The following PXK variants were observed in gnomAD, a reference collection of about 807,000 sequenced individuals.
PXK encodes PX domain-containing protein kinase-like protein.
PXK carries 35 observed loss-of-function variants against 84.7 expected under a neutral mutation model. The observed-to-expected ratio is 0.41, with a 90% CI of 0.32 to 0.55. The LOEUF is 0.55. Among genes scored for constraint, PXK ranks in the 20% least tolerant of loss-of-function variants. The pLI is 0.21. For missense variants in PXK, 634 were observed against 699.7 expected, an observed-to-expected ratio of 0.91 and a Z score of 1.06; for synonymous variants, 253 against 260.8, an observed-to-expected ratio of 0.97 and a Z score of 0.29.
At position 58,360,886 on chromosome 3, in the gene PXK, A is replaced by G. The variant is rs190342218; in HGVS notation, c.103-4988A>G. 2.9e-4 allele frequency among the ~76,000 whole-genome samples: 44 copies of G among 152,216 alleles called. 1 individual carries two copies. In the East Asian group the frequency reaches 6.9e-3, roughly 24 times the overall value. On this transcript the variant is annotated intron_variant, in intron 1 of 17. Transcript: ENST00000356151. ...TCTGAACATTTGAGGAAACAATAAC[A>G]TTCTTTATGATTTAATTTATACTTT...
intron 7 of PXK, 69 bp from the exon 8 acceptor site, chr3:58,394,929 C>T: frequency 8.4e-7 from 1 of 1,186,380 alleles, no homozygotes; most frequent in Non-Finnish European, 1.3e-6. Flanking sequence ...TCTGCATAAC[C>T]AGATCCTGTA....
chr3:58,347,687 TG>T (rs2097848499), intron 1 of PXK, among the ~76,000 whole-genome samples: 1 of 152,248 alleles, frequency 6.6e-6, no homozygotes, highest in African/African-American at 2.4e-5. Context: ...CATGAATATT[TG>T]GGTAAAGTCT....
rs1204758876 is a variant in PXK, at chr3:58,333,619, T to G, written c.102+529T>G. The G allele has an allele frequency of 2.2e-6, 1 of 456,656 alleles. No homozygotes were observed. Among genetic ancestry groups the G allele is most frequent in the South Asian group, 1.5e-5 (1 of 64,568 alleles). 28.3% of individuals were successfully genotyped at this position (456,656 alleles called of 1,614,324 possible). ...AAGTGGCTGGGGTCTGCAGCCCCGT[T>G]TCCAGGTCAGCCGCTTGGCCCTGGT... On this transcript the variant is annotated intron_variant, in intron 1 of 17. Coordinates refer to ENST00000356151, the MANE Select transcript of PXK (RefSeq NM_017771.5). This position sits in a 1 kb window ranked among gnomAD's most constrained non-coding sequence, Gnocchi z 5.4.
chr3:58,346,220 C>T (rs949137217), intron 1 of PXK, among the ~76,000 whole-genome samples: 1 of 152,006 alleles, frequency 6.6e-6, no homozygotes, highest in African/African-American at 2.4e-5. Context: ...ATCTGAACAA[C>T]AGTGAGGGGG....
intron 1 of PXK, among the ~76,000 whole-genome samples, chr3:58,346,220 C>G (rs949137217): frequency 1.3e-5 from 2 of 152,006 alleles, no homozygotes; most frequent in Non-Finnish European, 2.9e-5. Flanking sequence ...ATCTGAACAA[C>G]AGTGAGGGGG....
At position 58,414,846 on chromosome 3, in the gene PXK, G is replaced by T. The variant is rs528804879; in HGVS notation, c.1528+1883G>T. Among the ~76,000 whole-genome samples the T allele has an allele frequency of 5.9e-5, 9 of 152,260 alleles. No homozygotes were observed. Among genetic ancestry groups the T allele is most frequent in the Non-Finnish European group, 4.4e-5 (3 of 68,016 alleles). On this transcript the variant is annotated intron_variant, in intron 17 of 17. Coordinates refer to ENST00000356151, the MANE Select transcript of PXK (RefSeq NM_017771.5). The surrounding 1 kb of genome is among the most constrained non-coding windows in gnomAD (Gnocchi z 4.5). ...AAATGGTAACTAATATTTAGCATTT[G>T]CCTGGCAACCTAGCATTTCAGGCCC... is the stretch of plus-strand genomic sequence containing the variant.
Position 58,391,801 on chromosome 3 carries a change from C to T in PXK, c.569C>T (p.Ser190Leu). Reference sequence around the variant, plus strand: ...GACCTTGGCCCAGACAAGTATTTGTCAGATAAAGATTTTCAGTGTCTAATC... The same window carrying T: ...GACCTTGGCCCAGACAAGTATTTGTTAGATAAAGATTTTCAGTGTCTAATC... ...WADLGPDKYLSDKDFQCLIKL... is the reference protein window; with the variant it reads ...WADLGPDKYLLDKDFQCLIKL... Residue 190 changes from serine to leucine, a missense_variant, in exon 7 of 18, where the codon TCA becomes TTA. This residue lies in a region of PXK where 353 missense variants were observed against 385.2 expected (regional missense o/e 0.92). Transcript: ENST00000356151. 6.2e-7 allele frequency: 1 copy of T among 1,613,522 alleles called. No individual in the cohort carries two copies. The highest frequency in any genetic ancestry group is 8.5e-7 in the Non-Finnish European group (1 of 1,179,496).
At chr3:58,351,647 A>G (rs2097927836) in intron 1 of PXK, among the ~76,000 whole-genome samples, 1 of 152,172 alleles carries the variant, frequency 6.6e-6, no homozygotes, top group Non-Finnish European at 1.5e-5. Context: ...TCCTGATTGT[A>G]AAAATAATTT....
intron 1 of PXK, among the ~76,000 whole-genome samples, chr3:58,348,690 T>G (rs746585266): frequency 5.3e-5 from 8 of 151,898 alleles, no homozygotes; most frequent in Non-Finnish European, 1.0e-4. Context: ...GAGGGAGGAT[T>G]GCTTGAGGCC....
intron 5 of PXK, 93 bp from the exon 6 acceptor site, chr3:58,391,054 C>A: frequency 1.1e-6 from 1 of 927,028 alleles, no homozygotes; most frequent in Non-Finnish European, 1.7e-6. Context: ...ATAATATTGC[C>A]AAACTTAATT....
intron 3 of PXK, among the ~76,000 whole-genome samples, chr3:58,374,430 TC>T (rs2098420465): frequency 6.6e-6 from 1 of 152,118 alleles, no homozygotes; most frequent in African/African-American, 2.4e-5. Context: ...CACCTCAGCC[TC>T]CCAAAATGCT....
chr3:58,338,029 TAA>T (rs1161731527), intron 1 of PXK, among the ~76,000 whole-genome samples: 1 of 152,198 alleles, frequency 6.6e-6, no homozygotes, highest in Non-Finnish European at 1.5e-5. Context: ...TTTAGAATTC[TAA>T]GTTATACTGA....
intron 1 of PXK, among the ~76,000 whole-genome samples, chr3:58,362,343 T>C (rs2098201156): frequency 6.6e-6 from 1 of 152,240 alleles, no homozygotes; most frequent in African/African-American, 2.4e-5. Flanking sequence ...ATTTTACATT[T>C]AAGTACATAA....
In PXK at chr3:58,409,415, C is replaced by T. The variant is rs780788736; in HGVS notation, c.1309-117C>T. 2.1e-5 allele frequency: 20 copies of T among 955,896 alleles called. No individual in the cohort carries two copies. Among genetic ancestry groups the T allele is most frequent in the Non-Finnish European group, 3.2e-5 (20 of 619,994 alleles). 59.2% of individuals were successfully genotyped at this position (955,896 alleles called of 1,614,324 possible). On this transcript the variant is annotated intron_variant, in intron 14 of 17. Coordinates refer to ENST00000356151, the MANE Select transcript of PXK (RefSeq NM_017771.5). The surrounding 1 kb of genome is among the most constrained non-coding windows in gnomAD (Gnocchi z 4.2). ...CGAGCCAGGAAGTAGACAGCCTGAG[C>T]AAGGAAAGATTTTCTTTTATCCCAA...
At chr3:58,388,112 G>A (rs915021279) in intron 4 of PXK, among the ~76,000 whole-genome samples, 3 of 152,230 alleles carry the variant, frequency 2.0e-5, no homozygotes, top group African/African-American at 7.2e-5. Flanking sequence ...TCTGGGGAAG[G>A]AGGGGGTTAT....
Position 58,390,070 on chromosome 3 carries a change from C to T in PXK, c.389-512C>T, listed in dbSNP as rs375253724. On this transcript the variant is annotated intron_variant, in intron 4 of 17. Coordinates refer to ENST00000356151, the MANE Select transcript of PXK (RefSeq NM_017771.5). The surrounding 1 kb of genome is among the most constrained non-coding windows in gnomAD (Gnocchi z 4.2). ...GCCCATGCTTGTAGTCCCAGCTATT[C>T]GGGAGGCTGAGGTGGGAGGATCACT... Among the ~76,000 whole-genome samples the T allele has an allele frequency of 8.8e-5, 13 of 147,620 alleles. No homozygotes were observed. The highest frequency in any genetic ancestry group is 4.1e-4 in the East Asian group (2 of 4,918).
chr3:58,364,317 T>C lies in PXK; in HGVS notation c.103-1557T>C, dbSNP rs2098237201. 6.6e-6 allele frequency among the ~76,000 whole-genome samples: 1 copy of C among 151,948 alleles called. No homozygotes were observed. The highest frequency in any genetic ancestry group is 1.5e-5 in the Non-Finnish European group (1 of 68,030). ...GTTTGTAGAGAATTGGTGTTGATTC[T>C]TCTTAAGACACTTAGTAGAATTCTC... On this transcript the variant is annotated intron_variant, in intron 1 of 17. Transcript: ENST00000356151. The surrounding 1 kb of genome is among the most constrained non-coding windows in gnomAD (Gnocchi z 4.3).
intron 1 of PXK, among the ~76,000 whole-genome samples, chr3:58,348,543 G>A (rs2089151089): frequency 6.6e-6 from 1 of 152,026 alleles, no homozygotes; most frequent in African/African-American, 2.4e-5. Flanking sequence ...AAAGAAACAG[G>A]TGAAATTAAT....
intron 1 of PXK, among the ~76,000 whole-genome samples, chr3:58,348,963 GA>G (rs2097869796): frequency 6.6e-6 from 1 of 151,882 alleles, no homozygotes; most frequent in African/African-American, 2.4e-5. Context: ...AAAAGTATTT[GA>G]AATCTGGTGT....
Sources: gnomAD v4.1 joint callset for allele counts (sites outside exome capture counted in the v4.1 genomes callset) on GRCh38, gnomAD v4.1.1 for gene constraint, gnomAD v4.1.1 regional missense constraint, Gnocchi (gnomAD v3.1) non-coding constraint, MANE v1.5 for transcripts, NCBI Gene and HGNC (gene_info 2026-07-23, HGNC 2026-07-21) for gene names.